Variants in CNTN6 observed in about 807,000 individuals in gnomAD.
The protein encoded by CNTN6 is contactin-6.
A neutral mutation model predicts 122.8 loss-of-function variants in CNTN6; 137 were observed. The ratio of observed to expected loss-of-function variants is 1.12; its 90% CI spans 0.97 to 1.29. The LOEUF (loss-of-function observed/expected upper bound fraction) is 1.29. Among genes scored for constraint, CNTN6 ranks in the 50% most tolerant of loss-of-function variants. The pLI is 0.00. For missense variants in CNTN6, 1,634 were observed against 1,223.4 expected (o/e 1.34, Z -5.01); for synonymous variants, 570 against 426.0 (o/e 1.34, Z -4.16).
intron 1 of CNTN6, among the ~76,000 whole-genome samples, chr3:1,122,002 A>C (rs1374599696): frequency 6.6e-6 from 1 of 151,978 alleles, no homozygotes; most frequent in East Asian, 1.9e-4. Flanking sequence ...TGATCTCTCT[A>C]GACCTCAGTT....
At chr3:1,189,248 T>A (rs2125376191) in intron 2 of CNTN6, among the ~76,000 whole-genome samples, 1 of 152,286 alleles carries the variant, frequency 6.6e-6, no homozygotes, top group East Asian at 1.9e-4. Flanking sequence ...ACTCCTACAA[T>A]GTTTTTGAAT....
chr3:1,303,206 A>G (rs888383447), intron 7 of CNTN6, among the ~76,000 whole-genome samples: 1 of 92,226 alleles, frequency 1.1e-5, no homozygotes, highest in African/African-American at 3.1e-5. Flanking sequence ...TAGTAATTCA[A>G]AATTACAGTC....
chr3:1,281,135 G>A (rs1365842723), intron 5 of CNTN6, among the ~76,000 whole-genome samples: 1 of 152,160 alleles, frequency 6.6e-6, no homozygotes, highest in Admixed American at 6.5e-5. Context: ...CCTGCTACAA[G>A]TCGCACTCAC....
At chr3:1,257,424 C>T (rs1455469216) in intron 4 of CNTN6, among the ~76,000 whole-genome samples, 1 of 152,020 alleles carries the variant, frequency 6.6e-6, no homozygotes, top group African/African-American at 2.4e-5. Context: ...TATTTAAGCC[C>T]TATGATTGTA....
At chr3:1,125,706 T>A (rs1394182) in intron 1 of CNTN6, among the ~76,000 whole-genome samples, 1 of 150,998 alleles carries the variant, frequency 6.6e-6, no homozygotes, top group Non-Finnish European at 1.5e-5. Flanking sequence ...GCTAGAAGTG[T>A]TTCAAGTAAG....
intron 12 of CNTN6, among the ~76,000 whole-genome samples, chr3:1,368,974 A>C (rs148931555): frequency 6.6e-6 from 1 of 152,160 alleles, no homozygotes; most frequent in Non-Finnish European, 1.5e-5. Flanking sequence ...ATCCTGACCA[A>C]GGCTATCCTC....
At chr3:1,257,582 T>C (rs2094780304) in intron 4 of CNTN6, among the ~76,000 whole-genome samples, 1 of 152,160 alleles carries the variant, frequency 6.6e-6, no homozygotes, top group African/African-American at 2.4e-5. Flanking sequence ...TTCCATTTAA[T>C]AAGTAGTTCA....
At chr3:1,185,452 T>G (rs2093615394) in intron 2 of CNTN6, among the ~76,000 whole-genome samples, 1 of 152,152 alleles carries the variant, frequency 6.6e-6, no homozygotes, top group Non-Finnish European at 1.5e-5. Flanking sequence ...CCTCCAGGGG[T>G]TCCATTTCCA....
chr3:1,243,037 C>T (rs370581354), intron 4 of CNTN6, among the ~76,000 whole-genome samples: 5 of 147,492 alleles, frequency 3.4e-5, no homozygotes, highest in African/African-American at 5.1e-5. Flanking sequence ...TGATGGTCTA[C>T]GGGGCTTCCA....
chr3:1,227,823 A>C lies in CNTN6; in HGVS notation c.188A>C (p.Lys63Thr). The change falls in exon 4 of 23, where the codon AAG becomes ACG. Residue 63 changes from lysine to threonine, a missense_variant. Transcript: ENST00000446702. Reference protein sequence around the residue: ...NGYPSPHYRWKQNGTDIDFTM... With the variant: ...NGYPSPHYRWTQNGTDIDFTM... ...TATTTTTTTTTTCCTTGAAGGTGGA[A>C]GCAAAATGGCACAGACATTGATTTT... 1 of 1,612,846 alleles carries C rather than the reference A, an allele frequency of 6.2e-7. No individual in the cohort carries two copies.
chr3:1,261,889 G>A (rs903917521), intron 4 of CNTN6, among the ~76,000 whole-genome samples: 6 of 152,080 alleles, frequency 3.9e-5, no homozygotes, highest in Admixed American at 6.6e-5. Flanking sequence ...TAGCAGTTCC[G>A]GAATTTCACA....
At chr3:1,216,649 A>G (rs907039519) in intron 2 of CNTN6, among the ~76,000 whole-genome samples, 7 of 152,228 alleles carry the variant, frequency 4.6e-5, no homozygotes, top group Admixed American at 2.6e-4. Flanking sequence ...GTGGTGAAGT[A>G]AATTGTCCAG....
chr3:1,145,245 T>A (rs1437226558), intron 1 of CNTN6, among the ~76,000 whole-genome samples: 1 of 152,186 alleles, frequency 6.6e-6, no homozygotes, highest in African/African-American at 2.4e-5. Flanking sequence ...CTTTTTCTGA[T>A]AATATTGACA....
chr3:1,309,817 GTA>G (rs1187732138), intron 7 of CNTN6, among the ~76,000 whole-genome samples: 1 of 152,068 alleles, frequency 6.6e-6, no homozygotes. Context: ...TTATGAGATT[GTA>G]TAGTTTTCTG....
chr3:1,143,773 C>T (rs76571670), intron 1 of CNTN6, among the ~76,000 whole-genome samples: 2,548 of 152,240 alleles, frequency 0.017, 78 homozygotes, highest in African/African-American at 0.058. Context: ...GGGCTTTGGC[C>T]TCATTATAGT....
chr3:1,137,769 A>C lies in CNTN6; in HGVS notation c.-82-10158A>C, dbSNP rs544121391. Among the ~76,000 whole-genome samples the C allele has an allele frequency of 9.8e-5, 15 of 152,288 alleles. No homozygotes were observed. The South Asian group carries it at 3.1e-3, about 32-fold the overall frequency. ...TTACTTCTTCTAAAGTCACAAAGCT[A>C]TTAAGTGTCTGGTAGATTTTAAGAA... is the stretch of plus-strand genomic sequence containing the variant. On this transcript the variant is annotated intron_variant, in intron 1 of 22. Transcript: ENST00000446702.
chr3:1,099,075 T>C (rs1413085328), intron 1 of CNTN6, among the ~76,000 whole-genome samples: 1 of 151,948 alleles, frequency 6.6e-6, no homozygotes, highest in African/African-American at 2.4e-5. Flanking sequence ...TTTTAAAATA[T>C]TATGGAAATA....
intron 2 of CNTN6, among the ~76,000 whole-genome samples, chr3:1,192,304 G>A (rs879390585): frequency 6.6e-6 from 1 of 151,892 alleles, no homozygotes; most frequent in Admixed American, 6.6e-5. Context: ...TTTTTTACTT[G>A]CTAGTGCCTC....
At chr3:1,331,367 T>C (rs997663) in intron 11 of CNTN6, among the ~76,000 whole-genome samples, 39,717 of 151,872 alleles carry the variant, frequency 0.26, 5,967 homozygotes, top group East Asian at 0.56. Context: ...AGGGTGAACA[T>C]GTAAAGCGTT....
Sources: allele counts gnomAD v4.1 joint callset (sites outside exome capture counted in the v4.1 genomes callset), GRCh38; gene constraint gnomAD v4.1.1; transcripts MANE v1.5; gene names NCBI Gene and HGNC (gene_info 2026-07-23, HGNC 2026-07-21).